WASF1: variants seen among roughly 807,000 people sequenced by gnomAD.
WASF1 encodes WASP family member 1.
A neutral mutation model predicts 50.5 loss-of-function variants in WASF1; 7 were observed. That is an observed-to-expected ratio of 0.14 (90% confidence interval 0.08 to 0.26). WASF1 has a LOEUF of 0.26. Ranked by LOEUF, WASF1 falls within the 10% of genes least tolerant of loss-of-function variation. The pLI is 1.00. For missense variants in WASF1, 470 were observed against 694.7 expected, an observed-to-expected ratio of 0.68 and a Z score of 3.64; for synonymous variants, 205 against 244.0, an observed-to-expected ratio of 0.84 and a Z score of 1.49.
chr6:110,175,437 G>A (rs983958380), intron 2 of WASF1, among the ~76,000 whole-genome samples: 1 of 152,018 alleles, frequency 6.6e-6, no homozygotes, highest in Admixed American at 6.6e-5. Flanking sequence ...AAAGGATCAA[G>A]ACTACTTTCT....
Position 110,099,881 on chromosome 6 carries a change from T to G in WASF1, c.*641A>C, listed in dbSNP as rs551764509. On this transcript the variant is annotated 3_prime_UTR_variant, in exon 11 of 11. Coordinates refer to ENST00000392589, the MANE Select transcript of WASF1 (RefSeq NM_003931.3). ...ATTCTTAACAGTTATGTAAGTTACA[T>G]GTATGTTTAAGTCAGAGTATTTCAC... The G allele has an allele frequency of 6.5e-6, 1 of 152,800 alleles. No homozygotes were observed. The highest frequency in any genetic ancestry group is 1.9e-4 in the East Asian group (1 of 5,190). 9.5% of individuals were successfully genotyped at this position (152,800 alleles called of 1,614,324 possible). A position where few individuals can be genotyped will look rare whatever the true frequency, so the allele number is the denominator to read the frequency against.
At chr6:110,118,594 G>A (rs961603356) in intron 4 of WASF1, among the ~76,000 whole-genome samples, 12 of 151,952 alleles carry the variant, frequency 7.9e-5, no homozygotes, top group Admixed American at 1.3e-4. Context: ...CAATAATAAC[G>A]GGAGACTTTA....
chr6:110,142,952 T>TAAAAAAAAAAAAAAAAAAAAAA (rs5879060), intron 3 of WASF1, among the ~76,000 whole-genome samples: 20 of 119,132 alleles, frequency 1.7e-4, no homozygotes, highest in South Asian at 1.4e-3. Flanking sequence ...CCCAATGATG[T>TAAAAAAAAAAAAAAAAAAAAAA]AAAAAAAAAA....
At chr6:110,172,612 T>C (rs1039009461) in intron 2 of WASF1, among the ~76,000 whole-genome samples, 1 of 152,156 alleles carries the variant, frequency 6.6e-6, no homozygotes, top group Admixed American at 6.5e-5. Flanking sequence ...TTAAAAAGAA[T>C]GAAATAATCT....
chr6:110,171,979 T>A (rs1416902554), intron 2 of WASF1, among the ~76,000 whole-genome samples: 1 of 152,056 alleles, frequency 6.6e-6, no homozygotes, highest in Non-Finnish European at 1.5e-5. Context: ...AAAACCACAA[T>A]GAGATATCAT....
At chr6:110,166,116 A>G (rs1776467667) in intron 2 of WASF1, among the ~76,000 whole-genome samples, 1 of 151,748 alleles carries the variant, frequency 6.6e-6, no homozygotes, top group East Asian at 1.9e-4. Flanking sequence ...ACGATAAGCC[A>G]TTTATTCTAT....
At chr6:110,100,962 G>A (rs1189749795) in intron 10 of WASF1, among the ~76,000 whole-genome samples, 1 of 152,070 alleles carries the variant, frequency 6.6e-6, no homozygotes, top group African/African-American at 2.4e-5. Context: ...AAAAATTAAT[G>A]AGGTGGTACA....
intron 4 of WASF1, among the ~76,000 whole-genome samples, chr6:110,120,627 A>G (rs1268365067): frequency 2.0e-5 from 3 of 152,216 alleles, no homozygotes; most frequent in Non-Finnish European, 4.4e-5. Flanking sequence ...TAATTTATAG[A>G]TTCAATGCTA....
chr6:110,112,563 T>C (rs191798696), intron 5 of WASF1, among the ~76,000 whole-genome samples: 30 of 152,274 alleles, frequency 2.0e-4, no homozygotes, highest in Admixed American at 5.9e-4. Flanking sequence ...TTCAGTTAAA[T>C]AACTAATAAG....
intron 2 of WASF1, among the ~76,000 whole-genome samples, chr6:110,162,002 A>C (rs1242315347): frequency 6.6e-6 from 1 of 151,604 alleles, no homozygotes; most frequent in East Asian, 1.9e-4. Flanking sequence ...ATTATTAAGC[A>C]ATTTTGAAAG....
chr6:110,116,535 G>A (rs1433867664), intron 4 of WASF1, among the ~76,000 whole-genome samples: 1 of 151,806 alleles, frequency 6.6e-6, no homozygotes, highest in Non-Finnish European at 1.5e-5. Context: ...CAAAGAGGCC[G>A]GTAAGCTTGA....
In WASF1 at chr6:110,100,400, A is replaced by G. The variant is rs746096816; in HGVS notation, c.*122T>C. 11 of 930,552 alleles carry G rather than the reference A, an allele frequency of 1.2e-5. No individual in the cohort carries two copies. The highest frequency in any genetic ancestry group is 1.5e-5 in the Non-Finnish European group (10 of 664,030). The allele number at this position is 930,552 out of a possible 1,614,324, so 57.6% of individuals were successfully genotyped here. ...CCTTAGAAATCAAAAGTTATGGAGG[A>G]AAAGGGTCATTTATTATAAGGAAAA... On this transcript the variant is annotated 3_prime_UTR_variant, in exon 11 of 11. Transcript: ENST00000392589.
chr6:110,163,142 AAAATG>A (rs1776329082), intron 2 of WASF1, among the ~76,000 whole-genome samples: 1 of 151,700 alleles, frequency 6.6e-6, no homozygotes, highest in Non-Finnish European at 1.5e-5. Flanking sequence ...GCAGCCCCAC[AAAATG>A]AAATAAGCAT....
chr6:110,112,823 C>T (rs1179010564), intron 5 of WASF1, among the ~76,000 whole-genome samples: 7 of 149,168 alleles, frequency 4.7e-5, no homozygotes, highest in African/African-American at 1.7e-4. Context: ...TTGCTTGAAC[C>T]TGGGAGGTGG....
At chr6:110,162,828 C>A (rs1429925149) in intron 2 of WASF1, among the ~76,000 whole-genome samples, 1 of 151,606 alleles carries the variant, frequency 6.6e-6, no homozygotes, top group African/African-American at 2.4e-5. Flanking sequence ...GAAACTACAA[C>A]CTTTCCTGCT....
chr6:110,146,548 A>G (rs1166869773), intron 3 of WASF1, among the ~76,000 whole-genome samples: 1 of 151,932 alleles, frequency 6.6e-6, no homozygotes, highest in African/African-American at 2.4e-5. Context: ...TTAAAAATAT[A>G]TATATCTAAC....
chr6:110,115,118 A>G (rs1367563160), intron 4 of WASF1, among the ~76,000 whole-genome samples: 1 of 151,902 alleles, frequency 6.6e-6, no homozygotes, highest in Non-Finnish European at 1.5e-5. Flanking sequence ...GAAAAAAAAA[A>G]AAACAAAACA....
intron 9 of WASF1, 115 bp from the exon 10 acceptor site, chr6:110,102,331 C>CA: frequency 9.3e-7 from 1 of 1,072,844 alleles, no homozygotes; most frequent in Non-Finnish European, 1.2e-6. Context: ...GATCCAATAA[C>CA]ATGCTCCTAT....
At chr6:110,128,832 C>T (rs368505584) in intron 3 of WASF1, among the ~76,000 whole-genome samples, 32 of 152,280 alleles carry the variant, frequency 2.1e-4, no homozygotes, top group African/African-American at 7.5e-4. Flanking sequence ...CACCACCTGT[C>T]AGATCAGTGG....
Sources: gnomAD v4.1 joint callset for allele counts (sites outside exome capture counted in the v4.1 genomes callset) on GRCh38, gnomAD v4.1.1 for gene constraint, MANE v1.5 for transcripts, NCBI Gene and HGNC (gene_info 2026-07-23, HGNC 2026-07-21) for gene names.